Variants in ZSWIM5 observed in about 807,000 individuals in gnomAD.
ZSWIM5 encodes the protein zinc finger SWIM domain-containing protein 5.
A neutral mutation model predicts 119.6 loss-of-function variants in ZSWIM5; 55 were observed. That is an observed-to-expected ratio of 0.46 (90% confidence interval 0.37 to 0.58). The LOEUF is 0.58. Ranked by LOEUF, ZSWIM5 falls within the 20% of genes least tolerant of loss-of-function variation. The pLI, the probability that ZSWIM5 is intolerant of heterozygous loss-of-function variation, is 0.00. For missense variants in ZSWIM5, 1,193 were observed against 1,512.8 expected, an observed-to-expected ratio of 0.79 and a Z score of 3.51; for synonymous variants, 537 against 606.9, an observed-to-expected ratio of 0.88 and a Z score of 1.69.
chr1:45,185,506 C>G (rs1034634512), intron 1 of ZSWIM5, among the ~76,000 whole-genome samples: 1 of 151,960 alleles, frequency 6.6e-6, no homozygotes, highest in African/African-American at 2.4e-5. Flanking sequence ...ACTCATCTGA[C>G]AAAGGGCTAA....
intron 2 of ZSWIM5, among the ~76,000 whole-genome samples, chr1:45,066,400 A>C (rs554231757): frequency 6.6e-6 from 1 of 152,336 alleles, no homozygotes; most frequent in African/African-American, 2.4e-5. Context: ...GACCTGAAGC[A>C]AATAATCACA....
chr1:45,141,521 G>A (rs1352674766), intron 1 of ZSWIM5, among the ~76,000 whole-genome samples: 1 of 152,110 alleles, frequency 6.6e-6, no homozygotes, highest in African/African-American at 2.4e-5. Context: ...GGAATTATAG[G>A]CCATAGCAGC....
At chr1:45,068,829 G>A in intron 2 of ZSWIM5, among the ~76,000 whole-genome samples, 1 of 109,584 alleles carries the variant, frequency 9.1e-6, no homozygotes, top group African/African-American at 3.8e-5. Context: ...TTCTGAGACA[G>A]GATCTTTGTC....
At position 45,019,481 on chromosome 1, in the gene ZSWIM5, G is replaced by T. The variant is rs796563469; in HGVS notation, c.2696-165C>A. Among the ~76,000 whole-genome samples, 17 of 152,318 alleles carry T rather than the reference G, an allele frequency of 1.1e-4. 1 individual carries two copies. Among genetic ancestry groups the T allele is most frequent in the African/African-American group, 4.1e-4 (17 of 41,576 alleles). On this transcript the variant is annotated intron_variant, in intron 13 of 13. Coordinates refer to ENST00000359600, the MANE Select transcript of ZSWIM5 (RefSeq NM_020883.2). This position sits in a 1 kb window ranked among gnomAD's most constrained non-coding sequence, Gnocchi z 5.0. The stretch of plus-strand genomic sequence containing the variant: ...CAGGGCAAGGGGAGCATCCCAGATG[G>T]CCAGACCCTGTTTGGGGTCTCTTCC...
At chr1:45,115,858 G>A (rs933378937) in intron 1 of ZSWIM5, among the ~76,000 whole-genome samples, 1 of 152,202 alleles carries the variant, frequency 6.6e-6, no homozygotes, top group Non-Finnish European at 1.5e-5. Flanking sequence ...GGTGGCGGCC[G>A]GGCAGAGGCT....
At chr1:45,080,062 T>A (rs981437242) in intron 2 of ZSWIM5, among the ~76,000 whole-genome samples, 10 of 152,246 alleles carry the variant, frequency 6.6e-5, no homozygotes, top group African/African-American at 2.4e-4. Flanking sequence ...GGGTCTCTTT[T>A]GGAGCCATAA....
rs1333644803 is a variant in ZSWIM5 at position 45,018,229 on chromosome 1, T to G, written c.*225A>C. The G allele has an allele frequency of 1.7e-6, 1 of 598,904 alleles. No individual in the cohort carries two copies. The highest frequency in any genetic ancestry group is 3.0e-5 in the Admixed American group (1 of 32,926). 37.1% of individuals were successfully genotyped at this position (598,904 alleles called of 1,614,324 possible). On this transcript the variant is annotated 3_prime_UTR_variant, in exon 14 of 14. Transcript: ENST00000359600. The surrounding 1 kb of genome is among the most constrained non-coding windows in gnomAD (Gnocchi z 6.7). ...CATGTTGTGGGGTTTCTGGTCGATCTGCAGGGCCCAGCTCCTCCATGAACA... is the reference window on the plus strand; with the variant it reads ...CATGTTGTGGGGTTTCTGGTCGATCGGCAGGGCCCAGCTCCTCCATGAACA...
At chr1:45,178,906 A>G (rs925068963) in intron 1 of ZSWIM5, among the ~76,000 whole-genome samples, 2 of 152,092 alleles carry the variant, frequency 1.3e-5, no homozygotes, top group African/African-American at 4.8e-5. Flanking sequence ...AAAACATTCA[A>G]TAAGATACTA....
At chr1:45,089,824 AAGT>A (rs1438115447) in intron 1 of ZSWIM5, among the ~76,000 whole-genome samples, 1 of 152,134 alleles carries the variant, frequency 6.6e-6, no homozygotes, top group East Asian at 1.9e-4. Flanking sequence ...AATAAAAAAA[AAGT>A]AGCCGGTATG....
chr1:45,145,468 ATAC>A (rs1281928503), intron 1 of ZSWIM5, among the ~76,000 whole-genome samples: 1 of 152,196 alleles, frequency 6.6e-6, no homozygotes, highest in Non-Finnish European at 1.5e-5. Context: ...ATATAACAGA[ATAC>A]TACCCAGCAA....
intron 1 of ZSWIM5, among the ~76,000 whole-genome samples, chr1:45,094,594 G>T (rs188614242): frequency 3.3e-5 from 5 of 152,162 alleles, no homozygotes; most frequent in Non-Finnish European, 7.4e-5. Flanking sequence ...CAGGCTTGGC[G>T]GCTCATGCCT....
intron 5 of ZSWIM5, among the ~76,000 whole-genome samples, chr1:45,046,407 C>A (rs997980327): frequency 6.6e-6 from 1 of 152,064 alleles, no homozygotes; most frequent in Non-Finnish European, 1.5e-5. Flanking sequence ...ATTGGATTTG[C>A]TCATGGATTA....
chr1:45,031,169 ATTT>A (rs34390567), intron 11 of ZSWIM5, among the ~76,000 whole-genome samples: 1,020 of 61,710 alleles, frequency 0.017, 15 homozygotes, highest in African/African-American at 0.068. Flanking sequence ...TTTTGCTCTG[ATTT>A]TTTTTTTTTT....
At chr1:45,141,747 A>G (rs917469593) in intron 1 of ZSWIM5, among the ~76,000 whole-genome samples, 1 of 152,214 alleles carries the variant, frequency 6.6e-6, no homozygotes, top group African/African-American at 2.4e-5. Flanking sequence ...TGGTTATAGT[A>G]GTATGAGACA....
At chr1:45,025,452 G>A (rs186767015) in intron 11 of ZSWIM5, among the ~76,000 whole-genome samples, 109 of 152,190 alleles carry the variant, frequency 7.2e-4, no homozygotes, top group African/African-American at 2.6e-3. Flanking sequence ...CATGAACATG[G>A]ACCATTTCTA....
chr1:45,119,608 G>C (rs1256757065), intron 1 of ZSWIM5, among the ~76,000 whole-genome samples: 1 of 152,180 alleles, frequency 6.6e-6, no homozygotes, highest in Non-Finnish European at 1.5e-5. Flanking sequence ...AATGTATGCT[G>C]TTACAAATTC....
chr1:45,036,139 T>A lies in ZSWIM5; in HGVS notation c.2055A>T (p.Val685=). 6.2e-7 allele frequency: 1 copy of A among 1,614,132 alleles called. No homozygotes were observed. Among genetic ancestry groups the A allele is most frequent in the Non-Finnish European group, 8.5e-7 (1 of 1,180,030 alleles). Residue 685 remains valine (V), a synonymous_variant, in exon 9 of 14, where the codon GTA becomes GTT. Coordinates refer to ENST00000359600, the MANE Select transcript of ZSWIM5 (RefSeq NM_020883.2). ...TCAGGAGCTGCTCCTCATTACGGCA[T>A]ACCTTGTCCTGTGCGTAGAGGCCTT... ...MPEGLYAQDK[V]CRNEEQLLSQ...
intron 1 of ZSWIM5, among the ~76,000 whole-genome samples, chr1:45,146,825 T>C (rs572549203): frequency 6.6e-6 from 1 of 152,256 alleles, no homozygotes; most frequent in African/African-American, 2.4e-5. Context: ...ATATGCTTTA[T>C]AGTACAGTCA....
intron 5 of ZSWIM5, among the ~76,000 whole-genome samples, chr1:45,044,810 T>TATATATATAAATATATATATATATAA (rs1553189113): frequency 2.7e-4 from 3 of 10,998 alleles, no homozygotes; most frequent in African/African-American, 6.6e-4. Context: ...TATAAATATA[T>TATATATATAAATATATATATATATAA]ATATATATAT....
Sources: gnomAD v4.1 joint callset for allele counts (sites outside exome capture counted in the v4.1 genomes callset) on GRCh38, gnomAD v4.1.1 for gene constraint, Gnocchi (gnomAD v3.1) non-coding constraint, MANE v1.5 for transcripts, NCBI Gene and HGNC (gene_info 2026-07-23, HGNC 2026-07-21) for gene names.